VDAC1: variants seen among roughly 807,000 people sequenced by gnomAD.
VDAC1 encodes the protein voltage dependent anion channel 1, also known as non-selective voltage-gated ion channel VDAC1.
Under a neutral mutation model 34.7 loss-of-function variants are expected in VDAC1, and 10 were observed. That is an observed-to-expected ratio of 0.29 (90% confidence interval 0.18 to 0.49). VDAC1 has a LOEUF of 0.49. Among genes scored for constraint, VDAC1 ranks in the 20% least tolerant of loss-of-function variants. The pLI is 0.99. For missense variants in VDAC1, 230 were observed against 347.9 expected (o/e 0.66, Z 2.69); for synonymous variants, 130 against 136.0 (o/e 0.96, Z 0.30).
chr5:134,057,636 C>A, the VDAC1 span, among the ~76,000 whole-genome samples: 4 of 150,580 alleles, frequency 2.7e-5, no homozygotes, highest in South Asian at 8.4e-4. Flanking sequence ...TTACAGTGAG[C>A]AGAGATTGCA....
At chr5:133,990,312 G>C (rs1274344794) in intron 5 of VDAC1, among the ~76,000 whole-genome samples, 2 of 152,180 alleles carry the variant, frequency 1.3e-5, no homozygotes, top group Non-Finnish European at 2.9e-5. Flanking sequence ...GAAGAAATGA[G>C]GCTGGCAACA....
At chr5:133,999,582 C>T (rs1006340439) in intron 1 of VDAC1, among the ~76,000 whole-genome samples, 1 of 152,166 alleles carries the variant, frequency 6.6e-6, no homozygotes, top group East Asian at 1.9e-4. Flanking sequence ...AGAATGAAGT[C>T]GGGGTACTCA....
At chr5:134,059,160 G>T in the VDAC1 span, among the ~76,000 whole-genome samples, 1 of 152,294 alleles carries the variant, frequency 6.6e-6, no homozygotes, top group East Asian at 1.9e-4. Context: ...AGGAGCTCCA[G>T]AGCTCCAGGC....
chr5:134,034,827 G>A, the VDAC1 span, among the ~76,000 whole-genome samples: 1 of 152,096 alleles, frequency 6.6e-6, no homozygotes, highest in Non-Finnish European at 1.5e-5. Context: ...AAGGAGCAAG[G>A]TTAAAATGAA....
the VDAC1 span, among the ~76,000 whole-genome samples, chr5:134,030,610 T>G: frequency 2.0e-5 from 3 of 151,488 alleles, no homozygotes; most frequent in African/African-American, 7.3e-5. Context: ...CTTTCTTTTT[T>G]TTTTGAGATG....
At chr5:134,043,464 G>T in the VDAC1 span, among the ~76,000 whole-genome samples, 1 of 152,300 alleles carries the variant, frequency 6.6e-6, no homozygotes, top group Non-Finnish European at 1.5e-5. Context: ...GAGGTGGCTG[G>T]AAAGGACTCT....
chr5:134,088,571 G>A, the VDAC1 span, among the ~76,000 whole-genome samples: 1 of 152,364 alleles, frequency 6.6e-6, no homozygotes, highest in Middle Eastern at 3.4e-3. Flanking sequence ...ATCATTCAAT[G>A]CCTGTTTTTG....
the VDAC1 span, among the ~76,000 whole-genome samples, chr5:134,019,319 TA>T: frequency 6.6e-6 from 1 of 152,142 alleles, no homozygotes. Flanking sequence ...AGCTCCCACC[TA>T]TAAACCCAGC....
At chr5:134,078,490 T>C in the VDAC1 span, among the ~76,000 whole-genome samples, 1 of 152,100 alleles carries the variant, frequency 6.6e-6, no homozygotes, top group Non-Finnish European at 1.5e-5. Flanking sequence ...CACCTGGGTG[T>C]TCACAGAATG....
the VDAC1 span, among the ~76,000 whole-genome samples, chr5:134,109,025 C>A: frequency 6.6e-6 from 1 of 152,212 alleles, no homozygotes; most frequent in South Asian, 2.1e-4. Context: ...GCTCCCAGAG[C>A]CTCTTTAGCG....
the VDAC1 span, among the ~76,000 whole-genome samples, chr5:134,076,403 C>T: frequency 6.6e-6 from 1 of 152,258 alleles, no homozygotes; most frequent in Admixed American, 6.5e-5. Context: ...TTCACTGTCA[C>T]CTCAGACATT....
chr5:134,035,108 C>A, the VDAC1 span, among the ~76,000 whole-genome samples: 1 of 152,042 alleles, frequency 6.6e-6, no homozygotes, highest in Non-Finnish European at 1.5e-5. Flanking sequence ...GCTGCAATAG[C>A]AAGGACCAGG....
chr5:133,978,292 T>A lies in VDAC1; in HGVS notation c.552-2271A>T, dbSNP rs537181961. Reference sequence around the variant, plus strand: ...AGTGATCACAGGCATGTTGCCACCATGCCCAGCTAATTTTTAAAAAATTTC... The same window carrying A: ...AGTGATCACAGGCATGTTGCCACCAAGCCCAGCTAATTTTTAAAAAATTTC... On this transcript the variant is annotated intron_variant, in intron 6 of 8. Coordinates refer to ENST00000265333, the MANE Select transcript of VDAC1 (RefSeq NM_003374.3). 2.0e-5 allele frequency among the ~76,000 whole-genome samples: 3 copies of A among 152,220 alleles called. No homozygotes were observed. In the East Asian group the frequency reaches 5.8e-4, roughly 29 times the overall value.
the VDAC1 span, among the ~76,000 whole-genome samples, chr5:134,058,278 C>T: frequency 6.6e-6 from 1 of 151,268 alleles, no homozygotes; most frequent in Non-Finnish European, 1.5e-5. Flanking sequence ...GGTCAGCAGC[C>T]GGGCTGTCCC....
chr5:134,102,264 C>G, the VDAC1 span, among the ~76,000 whole-genome samples: 1 of 152,212 alleles, frequency 6.6e-6, no homozygotes, highest in African/African-American at 2.4e-5. Context: ...CAGGGTCATC[C>G]GGGGCCAGTG....
At chr5:134,042,143 T>C in the VDAC1 span, among the ~76,000 whole-genome samples, 1 of 152,032 alleles carries the variant, frequency 6.6e-6, no homozygotes, top group Non-Finnish European at 1.5e-5. Context: ...CGTGGGAAGG[T>C]CGGAAGCAGG....
the VDAC1 span, among the ~76,000 whole-genome samples, chr5:134,019,037 C>T: frequency 1.3e-5 from 2 of 152,114 alleles, no homozygotes; most frequent in Non-Finnish European, 1.5e-5. Context: ...CGCATCTCCC[C>T]GCTTGGCTGA....
At chr5:133,999,094 T>G (rs1313828353) in intron 1 of VDAC1, among the ~76,000 whole-genome samples, 1 of 152,180 alleles carries the variant, frequency 6.6e-6, no homozygotes, top group African/African-American at 2.4e-5. Flanking sequence ...GAGGATCGCC[T>G]GAATGCAGGA....
chr5:133,983,440 A>G (rs534588380), intron 5 of VDAC1, among the ~76,000 whole-genome samples: 52 of 152,312 alleles, frequency 3.4e-4, no homozygotes, highest in Non-Finnish European at 6.8e-4. Context: ...GGCTGTATAA[A>G]TAAAACATGA....
Sources: allele counts gnomAD v4.1 joint callset (sites outside exome capture counted in the v4.1 genomes callset), GRCh38; gene constraint gnomAD v4.1.1; transcripts MANE v1.5; gene names NCBI Gene and HGNC (gene_info 2026-07-23, HGNC 2026-07-21).